The following PLSCR2 variants were observed in gnomAD, a reference collection of about 807,000 sequenced individuals.
PLSCR2 encodes the protein PL scramblase 2.
Under a neutral mutation model 25.3 loss-of-function variants are expected in PLSCR2, and 18 were observed. The observed-to-expected ratio is 0.71, with a 90% CI of 0.49 to 1.06. The LOEUF is 1.06. PLSCR2 is among the 50% of genes least tolerant of loss of function. PLSCR2 has a pLI of 0.00. For synonymous variants in PLSCR2, 88 were observed against 87.3 expected, an observed-to-expected ratio of 1.01 and a Z score of -0.04; for missense variants, 243 against 269.5, an observed-to-expected ratio of 0.90 and a Z score of 0.69.
chr3:146,476,822 T>A (rs556528761), intron 1 of PLSCR2, among the ~76,000 whole-genome samples: 2 of 152,152 alleles, frequency 1.3e-5, no homozygotes, highest in Non-Finnish European at 2.9e-5. Context: ...CTTCAGCCAC[T>A]CCAGCAAGGG....
Position 146,490,472 on chromosome 3 carries a change from A to G in PLSCR2, c.-293+5423T>C, listed in dbSNP as rs185433389. On this transcript the variant is annotated intron_variant, in intron 1 of 8. Transcript: ENST00000336685. ...GTTGAAGACTCCCCCTATTATTGTG[A>G]TTATCTAATTGTGGTTATCTAAGTC... is the stretch of plus-strand genomic sequence containing the variant. Among the ~76,000 whole-genome samples, 3 of 152,174 alleles carry G rather than the reference A, an allele frequency of 2.0e-5. No homozygotes were observed. In the South Asian group the frequency reaches 6.2e-4, roughly 32 times the overall value.
chr3:146,487,855 C>T (rs1158971514), intron 1 of PLSCR2, among the ~76,000 whole-genome samples: 1 of 152,002 alleles, frequency 6.6e-6, no homozygotes, highest in African/African-American at 2.4e-5. Context: ...AAAAAGAGCC[C>T]TTATAGCCAA....
At chr3:146,489,193 G>C (rs1299593804) in intron 1 of PLSCR2, among the ~76,000 whole-genome samples, 1 of 151,996 alleles carries the variant, frequency 6.6e-6, no homozygotes, top group East Asian at 1.9e-4. Context: ...ATAGCATCAG[G>C]ATAAATAGCT....
chr3:146,489,673 C>T lies in PLSCR2; in HGVS notation c.-293+6222G>A, dbSNP rs555848240. On this transcript the variant is annotated intron_variant, in intron 1 of 8. Coordinates refer to the PLSCR2 transcript ENST00000336685. ...TAAATGATTCCTCACAGTTATTGTT[C>T]CAGAAACTATATAAAGAATACTTGT... 2.0e-5 allele frequency among the ~76,000 whole-genome samples: 3 copies of T among 152,182 alleles called. No individual in the cohort carries two copies. The South Asian group carries it at 6.2e-4, about 31-fold the overall frequency.
intron 1 of PLSCR2, among the ~76,000 whole-genome samples, chr3:146,492,948 A>G (rs1027097091): frequency 2.0e-5 from 3 of 151,964 alleles, no homozygotes; most frequent in Admixed American, 1.3e-4. Flanking sequence ...CCAAATAAAC[A>G]TAATCATAAA....
chr3:146,410,003 G>A (rs553283750), intron 2 of PLSCR2, among the ~76,000 whole-genome samples: 25 of 152,068 alleles, frequency 1.6e-4, no homozygotes, highest in East Asian at 5.8e-4. Context: ...GTATCTAGGC[G>A]TTTTCCCTTC....
chr3:146,393,272 C>T (rs1239020312), intron 3 of PLSCR2, among the ~76,000 whole-genome samples: 1 of 151,634 alleles, frequency 6.6e-6, no homozygotes, highest in African/African-American at 2.4e-5. Flanking sequence ...TCGTGATCTA[C>T]ACGCCTCGGC....
intron 5 of PLSCR2, among the ~76,000 whole-genome samples, chr3:146,449,691 A>C (rs1248404407): frequency 6.6e-6 from 1 of 152,166 alleles, no homozygotes; most frequent in African/African-American, 2.4e-5. Context: ...AAGGATATAA[A>C]TTTGAAGTAT....
At chr3:146,460,405 A>T in exon 1 of PLSCR2, 1 of 164,790 alleles carries the variant, frequency 6.1e-6, no homozygotes, top group Non-Finnish European at 1.3e-5. Context: ...CTATATGAAG[A>T]TTGTGGCATG....
chr3:146,452,025 G>C (rs191826165), intron 5 of PLSCR2, among the ~76,000 whole-genome samples: 2 of 152,338 alleles, frequency 1.3e-5, no homozygotes, highest in East Asian at 3.9e-4. Context: ...CCATGGAGGA[G>C]GTTGTGTGAA....
In PLSCR2 at chr3:146,485,759, G is replaced by A. The variant is rs368092096; in HGVS notation, c.-293+10136C>T. On this transcript the variant is annotated intron_variant, in intron 1 of 8. Transcript: ENST00000336685. ...CTGATAAAGACATACCCGATACTGG[G>A]CAATTTATAAAAGAGGTTTAATTGG... is the stretch of plus-strand genomic sequence containing the variant. Among the ~76,000 whole-genome samples, 52 of 152,134 alleles carry A rather than the reference G, an allele frequency of 3.4e-4. No homozygotes were observed. In the South Asian group the frequency reaches 9.9e-3, roughly 29 times the overall value.
At chr3:146,400,919 C>G (rs906386414) in intron 2 of PLSCR2, among the ~76,000 whole-genome samples, 1 of 151,798 alleles carries the variant, frequency 6.6e-6, no homozygotes, top group South Asian at 2.1e-4. Context: ...AAAGAATAGT[C>G]TTTTACAAAT....
At chr3:146,424,287 A>G (rs1246969751) in intron 2 of PLSCR2, among the ~76,000 whole-genome samples, 1 of 151,978 alleles carries the variant, frequency 6.6e-6, no homozygotes, top group Non-Finnish European at 1.5e-5. Context: ...GACTCTTCTT[A>G]TGAAGACACT....
chr3:146,486,760 C>A (rs996463669), intron 1 of PLSCR2, among the ~76,000 whole-genome samples: 1 of 152,072 alleles, frequency 6.6e-6, no homozygotes, highest in Non-Finnish European at 1.5e-5. Context: ...TGGTACCATT[C>A]GTTCTGAAAC....
chr3:146,477,079 A>G (rs1041109711), intron 1 of PLSCR2, among the ~76,000 whole-genome samples: 3 of 152,220 alleles, frequency 2.0e-5, no homozygotes, highest in Admixed American at 6.5e-5. Context: ...AACAGAGGTC[A>G]CCAGACACCT....
chr3:146,466,837 C>CA (rs1221086354), intron 1 of PLSCR2, among the ~76,000 whole-genome samples: 1 of 152,080 alleles, frequency 6.6e-6, no homozygotes, highest in Non-Finnish European at 1.5e-5. Context: ...AAAAAACAAA[C>CA]AAAAAACCCC....
chr3:146,421,721 G>A (rs1353052229), intron 2 of PLSCR2, among the ~76,000 whole-genome samples: 1 of 152,122 alleles, frequency 6.6e-6, no homozygotes, highest in Non-Finnish European at 1.5e-5. Flanking sequence ...ACTCACATGT[G>A]TTTATAAGTC....
At chr3:146,423,269 CTCTCTCTCT>C (rs2039218343) in intron 2 of PLSCR2, among the ~76,000 whole-genome samples, 1 of 146,042 alleles carries the variant, frequency 6.8e-6, no homozygotes, top group African/African-American at 2.6e-5. Flanking sequence ...CTCTCTCTCT[CTCTCTCTCT>C]CTCTCCCTGG....
At chr3:146,429,925 G>A (rs1030789805), downstream of PLSCR2, among the ~76,000 whole-genome samples, 2 of 152,130 alleles carry the variant, frequency 1.3e-5, no homozygotes, top group African/African-American at 2.4e-5. Context: ...GACTTCCAGG[G>A]AAGGGGTGGG....
Sources: allele counts gnomAD v4.1 joint callset (sites outside exome capture counted in the v4.1 genomes callset), GRCh38; gene constraint gnomAD v4.1.1; transcripts MANE v1.5; gene names NCBI Gene and HGNC (gene_info 2026-07-23, HGNC 2026-07-21).